PLCB1: variants seen among roughly 807,000 people sequenced by gnomAD.
The protein encoded by PLCB1 is 1-phosphatidylinositol 4,5-bisphosphate phosphodiesterase beta-1.
Under a neutral mutation model 161.8 loss-of-function variants are expected in PLCB1, and 46 were observed. That is an observed-to-expected ratio of 0.28 (90% CI 0.22 to 0.36). The LOEUF (loss-of-function observed/expected upper bound fraction) is 0.36. Among genes scored for constraint, PLCB1 ranks in the 10% least tolerant of loss-of-function variants. The pLI, the probability that PLCB1 is intolerant of heterozygous loss-of-function variation, is 1.00. For missense variants in PLCB1, 1,016 were observed against 1,472.5 expected (o/e 0.69, Z 5.07); for synonymous variants, 517 against 503.7 (o/e 1.03, Z -0.35).
intron 3 of PLCB1, among the ~76,000 whole-genome samples, chr20:8,575,491 G>A (rs546238704): frequency 5.9e-5 from 9 of 152,310 alleles, no homozygotes; most frequent in East Asian, 5.8e-4. Flanking sequence ...AGCATCATGC[G>A]AAGTGGACAG....
chr20:8,783,849 C>CT (rs1983354024), intron 27 of PLCB1, among the ~76,000 whole-genome samples: 1 of 152,146 alleles, frequency 6.6e-6, no homozygotes, highest in African/African-American at 2.4e-5. Flanking sequence ...ATGACCAAGT[C>CT]TGCAACCAGA....
chr20:8,194,539 T>G (rs1363213532), intron 2 of PLCB1, among the ~76,000 whole-genome samples: 4 of 152,026 alleles, frequency 2.6e-5, no homozygotes, highest in African/African-American at 9.7e-5. Flanking sequence ...ACACATTGAT[T>G]TTAGGAAAAG....
chr20:8,458,879 T>G (rs1600415972), intron 3 of PLCB1, among the ~76,000 whole-genome samples: 1 of 152,312 alleles, frequency 6.6e-6, no homozygotes, highest in East Asian at 1.9e-4. Context: ...AGCTTGACAC[T>G]CCATAAAATA....
chr20:8,373,641 C>T (rs766420911), intron 3 of PLCB1, among the ~76,000 whole-genome samples: 8 of 152,140 alleles, frequency 5.3e-5, no homozygotes, highest in Non-Finnish European at 8.8e-5. Flanking sequence ...CCTTAACTTA[C>T]TCTTGGTGTA....
chr20:8,792,786 G>A (rs528460418), intron 31 of PLCB1: 34 of 371,684 alleles, frequency 9.1e-5, no homozygotes, highest in African/African-American at 5.9e-4. Context: ...AATCATGACT[G>A]TTAACATTGT....
chr20:8,629,950 C>T (rs1017073541), intron 4 of PLCB1, among the ~76,000 whole-genome samples: 3 of 118,124 alleles, frequency 2.5e-5, no homozygotes, highest in Admixed American at 8.8e-5. Flanking sequence ...TTCTCTCTTT[C>T]TTTTCTTTCT....
Position 8,558,821 on chromosome 20 carries a change from C to T in PLCB1, c.247-69473C>T, listed in dbSNP as rs1986048282. ...ACAGGAGGAAAAAACAACCTGTCAACCAAGAATTGTATACCTGGCAAAATT... is the reference window on the plus strand; with the variant it reads ...ACAGGAGGAAAAAACAACCTGTCAATCAAGAATTGTATACCTGGCAAAATT... On this transcript the variant is annotated intron_variant, in intron 3 of 31. Transcript: ENST00000338037. 1.3e-5 allele frequency among the ~76,000 whole-genome samples: 2 copies of T among 151,708 alleles called. 1 individual carries two copies. The highest frequency in any genetic ancestry group is 4.2e-4 in the South Asian group (2 of 4,816).
intron 3 of PLCB1, among the ~76,000 whole-genome samples, chr20:8,491,822 C>T (rs6055855): frequency 0.15 from 22,088 of 152,096 alleles, 1,887 homozygotes; most frequent in African/African-American, 0.23. Context: ...AGTTGGGTTA[C>T]GATAGGACTC....
chr20:8,754,103 A>G (rs1352175396), intron 23 of PLCB1, among the ~76,000 whole-genome samples: 1 of 152,194 alleles, frequency 6.6e-6, no homozygotes, highest in Admixed American at 6.5e-5. Context: ...CTGCAACCAT[A>G]AAGTATTTGC....
intron 3 of PLCB1, among the ~76,000 whole-genome samples, chr20:8,461,949 C>A (rs1252613427): frequency 6.6e-6 from 1 of 151,978 alleles, no homozygotes; most frequent in East Asian, 1.9e-4. Context: ...ATAATTTCCC[C>A]TTGTTTAAAG....
intron 3 of PLCB1, among the ~76,000 whole-genome samples, chr20:8,374,095 C>T (rs188281056): frequency 6.6e-6 from 1 of 152,054 alleles, no homozygotes; most frequent in Non-Finnish European, 1.5e-5. Context: ...TTGGCTGTGT[C>T]CCCACCCAAA....
At chr20:8,233,494 C>T (rs143255625) in intron 2 of PLCB1, among the ~76,000 whole-genome samples, 2 of 152,126 alleles carry the variant, frequency 1.3e-5, no homozygotes, top group Non-Finnish European at 2.9e-5. Context: ...CGGAAACCCT[C>T]TTTAGAAATT....
chr20:8,643,189 A>C (rs1398618882), intron 4 of PLCB1, among the ~76,000 whole-genome samples: 1 of 152,122 alleles, frequency 6.6e-6, no homozygotes, highest in African/African-American at 2.4e-5. Context: ...TTCCTAACTG[A>C]GTTACCCTTC....
intron 2 of PLCB1, among the ~76,000 whole-genome samples, chr20:8,368,255 C>T (rs548043725): frequency 6.6e-6 from 1 of 151,956 alleles, no homozygotes; most frequent in South Asian, 2.1e-4. Context: ...GGGCCGGGCA[C>T]GGTGGCTCAT....
At chr20:8,688,718 G>T (rs1200846257) in intron 10 of PLCB1, among the ~76,000 whole-genome samples, 1 of 152,110 alleles carries the variant, frequency 6.6e-6, no homozygotes, top group Admixed American at 6.6e-5. Flanking sequence ...CTATTTTTAT[G>T]CCAGTACCAC....
intron 26 of PLCB1, among the ~76,000 whole-genome samples, chr20:8,765,778 C>T (rs897838825): frequency 2.0e-5 from 3 of 152,036 alleles, no homozygotes; most frequent in African/African-American, 7.2e-5. Context: ...ACTTCTGTCT[C>T]CAGAGTTTAA....
chr20:8,550,774 A>C (rs774304768), intron 3 of PLCB1, among the ~76,000 whole-genome samples: 1 of 152,206 alleles, frequency 6.6e-6, no homozygotes. Context: ...TTCACCATGT[A>C]TAATGAATTA....
chr20:8,165,238 A>G (rs1364042822), intron 2 of PLCB1, among the ~76,000 whole-genome samples: 3 of 152,226 alleles, frequency 2.0e-5, no homozygotes, highest in Non-Finnish European at 1.5e-5. Context: ...GCAATGTTGT[A>G]TGTTAACCTA....
At chr20:8,740,587 A>G (rs968657595) in intron 22 of PLCB1, 139 bp downstream of exon 22, 8 of 509,712 alleles carry the variant, frequency 1.6e-5, no homozygotes, top group Non-Finnish European at 2.7e-5. Flanking sequence ...CTACTTTCGT[A>G]TGTATGTTTA....
Sources: allele counts gnomAD v4.1 joint callset (sites outside exome capture counted in the v4.1 genomes callset), GRCh38; gene constraint gnomAD v4.1.1; transcripts MANE v1.5; gene names NCBI Gene and HGNC (gene_info 2026-07-23, HGNC 2026-07-21).